Variants in ANO3 observed in about 807,000 individuals in gnomAD.
ANO3 encodes the protein anoctamin-3.
Under a neutral mutation model 144.8 loss-of-function variants are expected in ANO3, and 99 were observed. That is an observed-to-expected ratio of 0.68 (90% CI 0.58 to 0.81). The LOEUF (loss-of-function observed/expected upper bound fraction) is 0.81. Among genes scored for constraint, ANO3 ranks in the 30% least tolerant of loss-of-function variants. The pLI is 0.00. For synonymous variants in ANO3, 414 were observed against 392.6 expected (o/e 1.05, Z -0.64); for missense variants, 905 against 1,202.2 (o/e 0.75, Z 3.66).
At chr11:26,611,807 T>C (rs562522160) in intron 17 of ANO3, among the ~76,000 whole-genome samples, 1 of 152,300 alleles carries the variant, frequency 6.6e-6, no homozygotes, top group African/African-American at 2.4e-5. Flanking sequence ...GGTACATATA[T>C]ATTTCCAATT....
intron 1 of ANO3, among the ~76,000 whole-genome samples, chr11:26,295,515 C>CAAAAAAAAAAAAAAAAAAAAAAAAA (rs71047842): frequency 1.5e-5 from 1 of 66,116 alleles, no homozygotes; most frequent in Non-Finnish European, 3.5e-5. Flanking sequence ...GACTCTGTCT[C>CAAAAAAAAAAAAAAAAAAAAAAAAA]AAAAAAAAAA....
upstream of ANO3, among the ~76,000 whole-genome samples, chr11:26,328,346 T>G (rs1397186368): frequency 6.6e-6 from 1 of 152,214 alleles, no homozygotes; most frequent in Non-Finnish European, 1.5e-5. Flanking sequence ...GTTTTTGTCT[T>G]TAATATACGG....
chr11:26,526,140 T>G (rs1476835442), intron 7 of ANO3, among the ~76,000 whole-genome samples: 1 of 152,082 alleles, frequency 6.6e-6, no homozygotes. Flanking sequence ...TCTTTTGAAT[T>G]GCAGACCCAC....
At chr11:26,533,723 GA>G (rs1396888726) in intron 8 of ANO3, among the ~76,000 whole-genome samples, 10 of 152,296 alleles carry the variant, frequency 6.6e-5, no homozygotes, top group African/African-American at 2.4e-4. Context: ...AGTTTAGTCA[GA>G]AAAGTTACAC....
intron 1 of ANO3, among the ~76,000 whole-genome samples, chr11:26,233,313 C>T (rs1852444529): frequency 6.6e-6 from 1 of 151,718 alleles, no homozygotes; most frequent in Admixed American, 6.6e-5. Flanking sequence ...CAGAATAAGA[C>T]ATTTATGTGG....
At chr11:26,375,813 TATC>T (rs1451496255) in intron 1 of ANO3, among the ~76,000 whole-genome samples, 1 of 152,068 alleles carries the variant, frequency 6.6e-6, no homozygotes, top group Non-Finnish European at 1.5e-5. Context: ...GAGAAGATAA[TATC>T]ATTCCCAAGA....
chr11:26,332,807 C>G (rs1256460747), intron 1 of ANO3, among the ~76,000 whole-genome samples: 1 of 152,090 alleles, frequency 6.6e-6, no homozygotes, highest in Non-Finnish European at 1.5e-5. Context: ...GTTAAAGGGG[C>G]TCTGTCACTT....
chr11:26,565,458 A>T, intron 14 of ANO3: 3 of 1,613,460 alleles, frequency 1.9e-6, no homozygotes, highest in Non-Finnish European at 2.5e-6. Flanking sequence ...ATGTGCTGAG[A>T]TGGGCAAAAG....
At chr11:26,325,921 C>A (rs190071079) in intron 1 of ANO3, among the ~76,000 whole-genome samples, 1 of 152,220 alleles carries the variant, frequency 6.6e-6, no homozygotes, top group East Asian at 1.9e-4. Flanking sequence ...AGACCTAGAT[C>A]CAAGGAGGCA....
At chr11:26,235,108 C>T (rs1364572705) in intron 1 of ANO3, among the ~76,000 whole-genome samples, 1 of 152,026 alleles carries the variant, frequency 6.6e-6, no homozygotes, top group Non-Finnish European at 1.5e-5. Flanking sequence ...AGATGCCACC[C>T]ATATTGTGGA....
chr11:26,332,114 G>T (rs1378446356), upstream of ANO3: 4 of 1,482,784 alleles, frequency 2.7e-6, no homozygotes, highest in Non-Finnish European at 3.6e-6. Context: ...CAACGACACC[G>T]GCGGGCGCGT....
chr11:26,539,167 C>T (rs1849584280), intron 10 of ANO3, among the ~76,000 whole-genome samples: 2 of 95,342 alleles, frequency 2.1e-5, no homozygotes, highest in South Asian at 6.6e-4. Context: ...CACACACACA[C>T]ACACACAAGA....
At chr11:26,285,107 T>C (rs540476403) in intron 1 of ANO3, among the ~76,000 whole-genome samples, 8 of 152,166 alleles carry the variant, frequency 5.3e-5, no homozygotes, top group African/African-American at 1.2e-4. Flanking sequence ...ATTTTTTTTT[T>C]TAATTATGGT....
chr11:26,489,191 C>T (rs1860599449), intron 4 of ANO3, among the ~76,000 whole-genome samples: 1 of 134,466 alleles, frequency 7.4e-6, no homozygotes, highest in Non-Finnish European at 1.6e-5. Context: ...GCCCTGTGTC[C>T]CAGCCACTCC....
At chr11:26,632,562 A>C (rs111760107) in intron 18 of ANO3, among the ~76,000 whole-genome samples, 3 of 146,462 alleles carry the variant, frequency 2.0e-5, no homozygotes, top group Non-Finnish European at 4.5e-5. Flanking sequence ...TAATATATAA[A>C]TATATAAAAA....
At chr11:26,643,409 T>C in intron 23 of ANO3, 75 bp downstream of exon 23, 1 of 1,549,380 alleles carries the variant, frequency 6.5e-7, no homozygotes, top group South Asian at 1.2e-5. Flanking sequence ...TGCCCCCAGA[T>C]TCATATGTTG....
intron 1 of ANO3, among the ~76,000 whole-genome samples, chr11:26,415,592 G>T (rs1305311546): frequency 1.3e-5 from 2 of 151,984 alleles, no homozygotes; most frequent in East Asian, 1.9e-4. Flanking sequence ...ATTGCAAAAA[G>T]AGCTTACATG....
rs1413206644 is a variant in ANO3 at position 26,525,555 on chromosome 11, A to G, written c.693-80A>G. On this transcript the variant is annotated intron_variant, in intron 6 of 26. Coordinates refer to ENST00000256737, the MANE Select transcript of ANO3 (RefSeq NM_031418.4). ...GGAACTTGGAGTATAGAAATGCTCA[A>G]TATGATTGAATGTTGTCACTCACTC... 5.9e-5 allele frequency: 67 copies of G among 1,143,016 alleles called. No individual in the cohort carries two copies. The East Asian group carries it at 1.6e-3, about 26-fold the overall frequency. The allele number at this position is 1,143,016 out of a possible 1,614,324, so 70.8% of individuals were successfully genotyped here. A position where few individuals can be genotyped will look rare whatever the true frequency, so the allele number is the denominator to read the frequency against.
intron 17 of ANO3, among the ~76,000 whole-genome samples, chr11:26,608,732 C>T (rs1852006216): frequency 6.6e-6 from 1 of 152,094 alleles, no homozygotes; most frequent in African/African-American, 2.4e-5. Context: ...TGCAGTCTGC[C>T]ACAGCAGACT....
Sources: gnomAD v4.1 joint callset for allele counts (sites outside exome capture counted in the v4.1 genomes callset) on GRCh38, gnomAD v4.1.1 for gene constraint, MANE v1.5 for transcripts, NCBI Gene and HGNC (gene_info 2026-07-23, HGNC 2026-07-21) for gene names.